Variants in ERC1 observed in about 807,000 individuals in gnomAD.
ERC1 encodes the protein RAB6 interacting protein 2.
A neutral mutation model predicts 132.0 loss-of-function variants in ERC1; 56 were observed. The ratio of observed to expected loss-of-function variants is 0.42; its 90% CI spans 0.34 to 0.53. The LOEUF is 0.53. Ranked by LOEUF, ERC1 falls within the 20% of genes least tolerant of loss-of-function variation. The pLI is 0.03. For synonymous variants in ERC1, 478 were observed against 476.1 expected, an observed-to-expected ratio of 1.00 and a Z score of -0.05; for missense variants, 1,202 against 1,349.9, an observed-to-expected ratio of 0.89 and a Z score of 1.72.
intron 8 of ERC1, chr12:1,153,089 T>TA (rs1028548889): frequency 6.6e-6 from 1 of 152,274 alleles, no homozygotes; most frequent in African/African-American, 2.4e-5. Flanking sequence ...TCCACAGTCA[T>TA]AGCTTCTCTT....
intron 7 of ERC1, among the ~76,000 whole-genome samples, chr12:1,133,721 C>T (rs762385175): frequency 1.1e-4 from 17 of 152,182 alleles, no homozygotes; most frequent in Middle Eastern, 3.4e-3. Context: ...ATTAATTACA[C>T]GCTGCTGTAT....
intron 17 of ERC1, among the ~76,000 whole-genome samples, chr12:1,409,753 G>T (rs1021575076): frequency 2.0e-5 from 3 of 152,128 alleles, no homozygotes; most frequent in Non-Finnish European, 4.4e-5. Context: ...GCGTTGCCCA[G>T]GCTGGAGTGC....
chr12:1,130,012 AG>A (rs1468606686), intron 7 of ERC1, among the ~76,000 whole-genome samples: 1 of 152,218 alleles, frequency 6.6e-6, no homozygotes, highest in Non-Finnish European at 1.5e-5. Context: ...CAAAAGGAAG[AG>A]CTTGTCTGTT....
chr12:1,474,490 A>G (rs1462502050), intron 18 of ERC1, among the ~76,000 whole-genome samples: 1 of 152,104 alleles, frequency 6.6e-6, no homozygotes, highest in South Asian at 2.1e-4. Flanking sequence ...TTTTAACTGT[A>G]TTTTCTCTTT....
At chr12:1,364,169 C>T (rs75896439) in intron 15 of ERC1, among the ~76,000 whole-genome samples, 9,579 of 152,240 alleles carry the variant, frequency 0.063, 374 homozygotes, top group East Asian at 0.13. Flanking sequence ...ATTCTTGAAT[C>T]CAAGAGTCAG....
chr12:1,146,308 GTTTTTTTT>G (rs1172108036), intron 8 of ERC1, among the ~76,000 whole-genome samples: 7 of 31,812 alleles, frequency 2.2e-4, no homozygotes, highest in African/African-American at 5.0e-4. Flanking sequence ...TATTTTACTG[GTTTTTTTT>G]TTTTTTTTTT....
chr12:1,306,111 A>AT (rs1214509976), intron 15 of ERC1, among the ~76,000 whole-genome samples: 4 of 152,058 alleles, frequency 2.6e-5, no homozygotes, highest in Admixed American at 6.5e-5. Context: ...AGAAAAAAAA[A>AT]CCTTCGGTTC....
intron 15 of ERC1, among the ~76,000 whole-genome samples, chr12:1,290,825 C>G (rs1475511562): frequency 6.6e-6 from 1 of 152,114 alleles, no homozygotes; most frequent in Non-Finnish European, 1.5e-5. Context: ...TTTTCTGTCT[C>G]AGAGAATAGG....
chr12:1,004,486 A>C (rs1447847125), intron 1 of ERC1, among the ~76,000 whole-genome samples: 1 of 138,884 alleles, frequency 7.2e-6, no homozygotes, highest in Admixed American at 8.0e-5. Context: ...GGCTCACTGC[A>C]ACCTCCGCCT....
chr12:1,182,115 G>A, intron 10 of ERC1, 50 bp downstream of exon 10: 3 of 1,569,612 alleles, frequency 1.9e-6, no homozygotes, highest in Non-Finnish European at 2.6e-6. Context: ...CATTGCATGT[G>A]TCTGTATGTT....
chr12:1,186,925 G>A (rs1371718422), intron 11 of ERC1, among the ~76,000 whole-genome samples: 5 of 152,156 alleles, frequency 3.3e-5, no homozygotes, highest in Non-Finnish European at 7.3e-5. Context: ...CTACCTCCCA[G>A]GTTCAAGCAA....
intron 14 of ERC1, among the ~76,000 whole-genome samples, chr12:1,276,246 T>TC (rs1464676289): frequency 6.8e-6 from 1 of 146,056 alleles, no homozygotes; most frequent in Non-Finnish European, 1.5e-5. Context: ...TTTTTCTTTT[T>TC]TTTTTTTTGA....
chr12:1,189,741 A>G lies in ERC1; in HGVS notation c.2158-118A>G, dbSNP rs895284781. 3.5e-5 allele frequency: 25 copies of G among 718,812 alleles called. No homozygotes were observed. The Admixed American group carries it at 6.3e-4, about 18-fold the overall frequency. The allele number at this position is 718,812 out of a possible 1,614,324, so 44.5% of individuals were successfully genotyped here. ...ATAAAAACCTTATAAATTACAAACTAACTGGTAGATATTTGATAATTCTGT... is the reference window on the plus strand; with the variant it reads ...ATAAAAACCTTATAAATTACAAACTGACTGGTAGATATTTGATAATTCTGT... On this transcript the variant is annotated intron_variant, in intron 11 of 18. Coordinates refer to ENST00000360905, the MANE Select transcript of ERC1 (RefSeq NM_178040.4).
chr12:1,048,497 C>G (rs1592936940), intron 2 of ERC1, among the ~76,000 whole-genome samples: 1 of 152,120 alleles, frequency 6.6e-6, no homozygotes, highest in East Asian at 1.9e-4. Flanking sequence ...TTCAGAGGAT[C>G]TTGAAACAGG....
intron 18 of ERC1, 160 bp downstream of exon 18, chr12:1,444,910 AGCT>A: frequency 2.1e-6 from 1 of 475,786 alleles, no homozygotes; most frequent in East Asian, 3.2e-5. Flanking sequence ...ATGCAGTGGG[AGCT>A]ACCTTGGGGA....
At chr12:1,091,106 C>G (rs1291875940) in intron 3 of ERC1, among the ~76,000 whole-genome samples, 1 of 152,154 alleles carries the variant, frequency 6.6e-6, no homozygotes, top group Non-Finnish European at 1.5e-5. Context: ...CCAGGCTGGT[C>G]TCAAACTCCT....
intron 15 of ERC1, among the ~76,000 whole-genome samples, chr12:1,314,798 T>C (rs1442292451): frequency 4.6e-5 from 7 of 152,168 alleles, no homozygotes; most frequent in Admixed American, 4.6e-4. Flanking sequence ...AAATAAAAAT[T>C]ATTTCTTTGT....
chr12:1,029,320 C>T (rs1565817240), intron 2 of ERC1, among the ~76,000 whole-genome samples: 1 of 152,000 alleles, frequency 6.6e-6, no homozygotes. Flanking sequence ...CCACTGCACT[C>T]CAGTCTGGAG....
intron 15 of ERC1, among the ~76,000 whole-genome samples, chr12:1,342,468 C>CAAAAA (rs567114711): frequency 9.7e-5 from 11 of 113,384 alleles, no homozygotes; most frequent in Non-Finnish European, 1.6e-4. Context: ...AACTCTGTCT[C>CAAAAA]AAAAAAAAAA....
Sources: gnomAD v4.1 joint callset for allele counts (sites outside exome capture counted in the v4.1 genomes callset) on GRCh38, gnomAD v4.1.1 for gene constraint, MANE v1.5 for transcripts, NCBI Gene and HGNC (gene_info 2026-07-23, HGNC 2026-07-21) for gene names.